Variants in TRPC7 observed in about 807,000 individuals in gnomAD.
TRPC7 encodes the protein short transient receptor potential channel 7.
A neutral mutation model predicts 90.1 loss-of-function variants in TRPC7; 42 were observed. The ratio of observed to expected loss-of-function variants is 0.47; its 90% CI spans 0.36 to 0.60. TRPC7 has a LOEUF of 0.60. Ranked by LOEUF, TRPC7 falls within the 20% of genes least tolerant of loss-of-function variation. The probability of loss-of-function intolerance (pLI) is 0.00; values close to 1 mark genes in which losing one functional copy is unlikely to be tolerated. For missense variants in TRPC7, 955 were observed against 1,112.3 expected (o/e 0.86, Z 2.01); for synonymous variants, 451 against 436.3 (o/e 1.03, Z -0.42).
At chr5:136,317,417 C>T (rs190296346) in intron 2 of TRPC7, among the ~76,000 whole-genome samples, 1 of 152,282 alleles carries the variant, frequency 6.6e-6, no homozygotes, top group African/African-American at 2.4e-5. Context: ...AGAGGAGGGG[C>T]TTGAGTTCCA....
At chr5:136,221,657 T>A (rs1040995162) in intron 10 of TRPC7, among the ~76,000 whole-genome samples, 18 of 151,776 alleles carry the variant, frequency 1.2e-4, no homozygotes, top group African/African-American at 4.4e-4. Flanking sequence ...TGGAAGAGAG[T>A]GGACAAAATA....
intron 5 of TRPC7, among the ~76,000 whole-genome samples, chr5:136,260,177 G>A (rs897961652): frequency 6.6e-6 from 1 of 152,200 alleles, no homozygotes; most frequent in Non-Finnish European, 1.5e-5. Context: ...AAACCAGATG[G>A]CCATGTGGAG....
At chr5:136,261,770 T>A (rs982292841) in intron 5 of TRPC7, among the ~76,000 whole-genome samples, 4 of 152,236 alleles carry the variant, frequency 2.6e-5, no homozygotes, top group Non-Finnish European at 2.9e-5. Flanking sequence ...TTATATAATT[T>A]AAATGCATTG....
chr5:136,257,778 T>A (rs1756732604), intron 5 of TRPC7, among the ~76,000 whole-genome samples: 1 of 152,232 alleles, frequency 6.6e-6, no homozygotes, highest in Admixed American at 6.5e-5. Context: ...CGGTATTTTT[T>A]AAATGGATTT....
At chr5:136,364,545 C>G (rs1760665319) in intron 1 of TRPC7, among the ~76,000 whole-genome samples, 1 of 152,134 alleles carries the variant, frequency 6.6e-6, no homozygotes, top group African/African-American at 2.4e-5. Context: ...CAGGGTCAAT[C>G]ATTATTGCCT....
At chr5:136,257,925 T>C (rs1263869416) in intron 5 of TRPC7, among the ~76,000 whole-genome samples, 4 of 152,178 alleles carry the variant, frequency 2.6e-5, no homozygotes, top group African/African-American at 7.2e-5. Flanking sequence ...TTAAGAGTGA[T>C]TGGCTTTAAT....
chr5:136,296,319 A>T (rs1291343566), intron 3 of TRPC7, among the ~76,000 whole-genome samples: 1 of 152,232 alleles, frequency 6.6e-6, no homozygotes, highest in Non-Finnish European at 1.5e-5. Flanking sequence ...GGTCATTCTT[A>T]TACCACTGGT....
At chr5:136,253,693 C>A (rs1184982682) in intron 5 of TRPC7, among the ~76,000 whole-genome samples, 1 of 152,132 alleles carries the variant, frequency 6.6e-6, no homozygotes, top group East Asian at 1.9e-4. Flanking sequence ...TCTTTCCCTC[C>A]CCTCGGGCCT....
At chr5:136,295,254 G>T (rs901310228) in intron 3 of TRPC7, among the ~76,000 whole-genome samples, 9 of 151,990 alleles carry the variant, frequency 5.9e-5, no homozygotes, top group African/African-American at 2.2e-4. Flanking sequence ...AAACCTGCAC[G>T]TTGTGCACAT....
In TRPC7 at chr5:136,365,339, G is replaced by C. The variant is rs1038007301; in HGVS notation, c.-85C>G. 42 of 1,404,754 alleles carry C rather than the reference G, an allele frequency of 3.0e-5. No homozygotes were observed. The highest frequency in any genetic ancestry group is 4.0e-5 in the Non-Finnish European group (41 of 1,026,402). 87.0% of individuals were successfully genotyped at this position (1,404,754 alleles called of 1,614,324 possible). A position where few individuals can be genotyped will look rare whatever the true frequency, so the allele number is the denominator to read the frequency against. ...GCCAGAAGCTGGCTCCCCATGGGTG[G>C]TAGCCAAGGATGTACCGCTCTCCGT... On this transcript the variant is annotated 5_prime_UTR_variant, in exon 1 of 12. Transcript: ENST00000513104.
intron 2 of TRPC7, among the ~76,000 whole-genome samples, chr5:136,328,461 T>C (rs1211597259): frequency 2.6e-5 from 4 of 152,180 alleles, no homozygotes; most frequent in Non-Finnish European, 4.4e-5. Flanking sequence ...TGGCTGTGCA[T>C]TGGTGATCTT....
chr5:136,237,604 G>A (rs1484650840), intron 7 of TRPC7, among the ~76,000 whole-genome samples: 1 of 152,124 alleles, frequency 6.6e-6, no homozygotes, highest in African/African-American at 2.4e-5. Context: ...ATACGTTTTT[G>A]GCCAAATAGC....
At chr5:136,324,137 G>T (rs1179271430) in intron 2 of TRPC7, among the ~76,000 whole-genome samples, 1 of 151,818 alleles carries the variant, frequency 6.6e-6, no homozygotes. Flanking sequence ...GTTGATTCTT[G>T]TGTGTTGTCC....
rs145345287 is a variant in TRPC7 at position 136,316,138 on chromosome 5, T to C, written c.781-359A>G. 812 of 197,256 alleles carry C rather than the reference T, an allele frequency of 4.1e-3. 5 individuals carry two copies. The highest frequency in any genetic ancestry group is 0.018 in the African/African-American group (764 of 43,300). 12.2% of individuals were successfully genotyped at this position (197,256 alleles called of 1,614,324 possible). A position where few individuals can be genotyped will look rare whatever the true frequency, so the allele number is the denominator to read the frequency against. Reference sequence around the variant, plus strand: ...AGAAATCTGTCTTTTAACTTTGCTCTCTAATGATGTGGATGCCTGCCACAG... The same window carrying C: ...AGAAATCTGTCTTTTAACTTTGCTCCCTAATGATGTGGATGCCTGCCACAG... On this transcript the variant is annotated intron_variant, in intron 2 of 11. Coordinates refer to ENST00000513104, the MANE Select transcript of TRPC7 (RefSeq NM_020389.3).
At chr5:136,224,172 T>G (rs943350677) in intron 10 of TRPC7, among the ~76,000 whole-genome samples, 2 of 152,136 alleles carry the variant, frequency 1.3e-5, no homozygotes, top group Non-Finnish European at 2.9e-5. Flanking sequence ...CAGGACAGCT[T>G]AAAATTTACA....
intron 3 of TRPC7, among the ~76,000 whole-genome samples, chr5:136,282,601 G>A (rs772479519): frequency 3.3e-5 from 5 of 152,078 alleles, no homozygotes; most frequent in Non-Finnish European, 7.4e-5. Flanking sequence ...TCAAGATTTA[G>A]GGTCACTAAT....
Position 136,328,571 on chromosome 5 carries a change from A to G in TRPC7, c.781-12792T>C, listed in dbSNP as rs558665455. Among the ~76,000 whole-genome samples, 42 of 152,332 alleles carry G rather than the reference A, an allele frequency of 2.8e-4. No individual in the cohort carries two copies. The South Asian group carries it at 7.2e-3, about 26-fold the overall frequency. On this transcript the variant is annotated intron_variant, in intron 2 of 11. Transcript: ENST00000513104. ...CACAGCTCTGCTGCATCATGGCTGT[A>G]TGATTTTGAGTGTATAACTTAATCT...
intron 10 of TRPC7, among the ~76,000 whole-genome samples, chr5:136,220,706 G>A (rs1000822945): frequency 1.3e-5 from 2 of 152,126 alleles, no homozygotes; most frequent in African/African-American, 4.8e-5. Context: ...ATTGGCCTCA[G>A]AGGCATATGA....
intron 3 of TRPC7, among the ~76,000 whole-genome samples, chr5:136,290,280 A>G (rs1170134968): frequency 1.3e-5 from 2 of 152,226 alleles, no homozygotes; most frequent in African/African-American, 2.4e-5. Flanking sequence ...CAGCAGAACA[A>G]AGCTGGATGG....
Sources: gnomAD v4.1 joint callset for allele counts (sites outside exome capture counted in the v4.1 genomes callset) on GRCh38, gnomAD v4.1.1 for gene constraint, MANE v1.5 for transcripts, NCBI Gene and HGNC (gene_info 2026-07-23, HGNC 2026-07-21) for gene names.